TAFA2: variants seen among roughly 807,000 people sequenced by gnomAD.
TAFA2 encodes TAFA chemokine like family member 2.
In TAFA2, 7 loss-of-function variants were observed where a neutral mutation model predicts 18.8. The observed-to-expected ratio is 0.37, with a 90% CI of 0.21 to 0.70. The LOEUF is 0.70. TAFA2 is among the 30% of genes least tolerant of loss of function. The pLI is 0.53. For missense variants in TAFA2, 122 were observed against 158.1 expected, an observed-to-expected ratio of 0.77 and a Z score of 1.23; for synonymous variants, 60 against 54.2, an observed-to-expected ratio of 1.11 and a Z score of -0.47.
chr12:61,823,374 T>TAA (rs199549177), intron 2 of TAFA2, among the ~76,000 whole-genome samples: 5 of 151,550 alleles, frequency 3.3e-5, no homozygotes, highest in African/African-American at 1.2e-4. Context: ...TTAAATGTTG[T>TAA]AAAAAAAAAT....
At chr12:61,857,774 T>G (rs199594555) in intron 2 of TAFA2, among the ~76,000 whole-genome samples, 1 of 130,428 alleles carries the variant, frequency 7.7e-6, no homozygotes, top group Non-Finnish European at 1.6e-5. Flanking sequence ...CTCCTTCTCC[T>G]GCACCTCCTC....
chr12:62,100,998 A>C (rs1041597706), intron 1 of TAFA2, among the ~76,000 whole-genome samples: 2 of 152,192 alleles, frequency 1.3e-5, no homozygotes, highest in African/African-American at 4.8e-5. Context: ...AATAATGTTG[A>C]GTTTTGATAC....
chr12:61,759,422 G>GTT (rs200098160), intron 2 of TAFA2, among the ~76,000 whole-genome samples: 9,569 of 152,020 alleles, frequency 0.063, 1,000 homozygotes, highest in African/African-American at 0.22. Context: ...GAGCTACTGT[G>GTT]TAATTCAGCA....
intron 1 of TAFA2, among the ~76,000 whole-genome samples, chr12:62,112,082 T>A (rs185581102): frequency 6.6e-6 from 1 of 152,352 alleles, no homozygotes; most frequent in Admixed American, 6.5e-5. Context: ...CTTCATAGTG[T>A]CGATGGTCTT....
At chr12:61,857,195 G>A (rs1041937970) in intron 2 of TAFA2, among the ~76,000 whole-genome samples, 4 of 75,346 alleles carry the variant, frequency 5.3e-5, no homozygotes, top group Non-Finnish European at 1.4e-4. Flanking sequence ...AGTTATATAA[G>A]AGTCTCAAAT....
chr12:61,792,475 T>A (rs1871021485), intron 2 of TAFA2, among the ~76,000 whole-genome samples: 1 of 151,644 alleles, frequency 6.6e-6, no homozygotes, highest in Non-Finnish European at 1.5e-5. Context: ...TTACACAATG[T>A]ATATATGCAT....
chr12:61,828,331 T>C (rs555116047), intron 2 of TAFA2, among the ~76,000 whole-genome samples: 1 of 152,048 alleles, frequency 6.6e-6, no homozygotes, highest in East Asian at 1.9e-4. Flanking sequence ...TGCTGTTTTG[T>C]TACAAATTCA....
At chr12:61,750,756 G>T (rs759074220) in intron 4 of TAFA2, among the ~76,000 whole-genome samples, 1 of 152,132 alleles carries the variant, frequency 6.6e-6, no homozygotes, top group African/African-American at 2.4e-5. Flanking sequence ...ATAAGGGAGA[G>T]TGTACATTAT....
chr12:62,023,587 T>C (rs1410051582), intron 1 of TAFA2: 2 of 121,206 alleles, frequency 1.7e-5, no homozygotes, highest in African/African-American at 3.6e-5. Context: ...ATCATGATTT[T>C]GTAACTAAAA....
intron 1 of TAFA2, among the ~76,000 whole-genome samples, chr12:62,182,578 A>C (rs900984133): frequency 6.6e-6 from 1 of 152,154 alleles, no homozygotes; most frequent in Non-Finnish European, 1.5e-5. Context: ...ATTTTAGCAA[A>C]ATTTCCCTGG....
intron 1 of TAFA2, among the ~76,000 whole-genome samples, chr12:61,961,805 A>G (rs557083279): frequency 2.0e-5 from 3 of 152,070 alleles, no homozygotes; most frequent in Admixed American, 6.6e-5. Context: ...CATTTCTTTC[A>G]ATCTCTTCTG....
At chr12:61,895,947 C>T (rs978162829) in intron 1 of TAFA2, among the ~76,000 whole-genome samples, 2 of 151,856 alleles carry the variant, frequency 1.3e-5, no homozygotes, top group African/African-American at 2.4e-5. Context: ...GTTAGCACCC[C>T]CAAAAACAGA....
chr12:62,169,850 C>CAAA (rs11373929), intron 1 of TAFA2, among the ~76,000 whole-genome samples: 81 of 89,988 alleles, frequency 9.0e-4, no homozygotes, highest in South Asian at 4.3e-3. Flanking sequence ...GACTCCGTCT[C>CAAA]AAAAAAAAAA....
chr12:61,966,329 G>A (rs113002091), intron 1 of TAFA2, among the ~76,000 whole-genome samples: 50 of 151,976 alleles, frequency 3.3e-4, no homozygotes, highest in African/African-American at 1.2e-3. Flanking sequence ...ATGGCACCCT[G>A]CTGCTGCATG....
At chr12:61,867,554 A>G (rs1189238511) in intron 1 of TAFA2, 128 bp from the exon 2 acceptor site, 30 of 603,356 alleles carry the variant, frequency 5.0e-5, no homozygotes, top group Non-Finnish European at 4.1e-5. Context: ...TATTTCTTGT[A>G]TTTAAAATGC....
intron 4 of TAFA2, among the ~76,000 whole-genome samples, chr12:61,726,130 G>A: frequency 6.6e-6 from 1 of 151,156 alleles, no homozygotes. Flanking sequence ...ATGTTTTCAG[G>A]GACTCTTTTT....
chr12:61,813,107 T>C (rs1871941459), intron 2 of TAFA2, among the ~76,000 whole-genome samples: 1 of 151,432 alleles, frequency 6.6e-6, no homozygotes, highest in Admixed American at 6.6e-5. Context: ...GATCATAATA[T>C]ATCTAAAAAT....
chr12:62,169,949 G>A (rs1447550429), intron 1 of TAFA2, among the ~76,000 whole-genome samples: 1 of 151,634 alleles, frequency 6.6e-6, no homozygotes, highest in Non-Finnish European at 1.5e-5. Context: ...GATAGTAGCT[G>A]TATAATAAAA....
At chr12:61,975,914 T>C (rs1040751077) in intron 1 of TAFA2, among the ~76,000 whole-genome samples, 6 of 151,776 alleles carry the variant, frequency 4.0e-5, no homozygotes, top group East Asian at 3.9e-4. Context: ...GGAGGGACCC[T>C]AGGTGAGGTG....
Sources: gnomAD v4.1 joint callset for allele counts (sites outside exome capture counted in the v4.1 genomes callset) on GRCh38, gnomAD v4.1.1 for gene constraint, MANE v1.5 for transcripts, NCBI Gene and HGNC (gene_info 2026-07-23, HGNC 2026-07-21) for gene names.